EBF2: variants seen among roughly 807,000 people sequenced by gnomAD.
EBF2 encodes the protein transcription factor COE2.
Under a neutral mutation model 72.8 loss-of-function variants are expected in EBF2, and 21 were observed. The ratio of observed to expected loss-of-function variants is 0.29; its 90% CI spans 0.20 to 0.42. The LOEUF is 0.42. EBF2 is among the 10% of genes least tolerant of loss of function. The pLI is 1.00. For synonymous variants in EBF2, 299 were observed against 274.2 expected, an observed-to-expected ratio of 1.09 and a Z score of -0.89; for missense variants, 637 against 731.2, an observed-to-expected ratio of 0.87 and a Z score of 1.49.
chr8:25,957,464 C>T (rs1226815768), intron 6 of EBF2, among the ~76,000 whole-genome samples: 1 of 152,208 alleles, frequency 6.6e-6, no homozygotes, highest in Non-Finnish European at 1.5e-5. Context: ...CCGCAGGCCA[C>T]CTCTTCACCA....
intron 6 of EBF2, among the ~76,000 whole-genome samples, chr8:25,925,830 A>G (rs1261682579): frequency 1.3e-5 from 2 of 152,272 alleles, no homozygotes; most frequent in African/African-American, 2.4e-5. Context: ...TTTCATTTTC[A>G]TAATAGGAAG....
At chr8:26,011,701 GC>G (rs1351325759) in intron 6 of EBF2, among the ~76,000 whole-genome samples, 1 of 152,060 alleles carries the variant, frequency 6.6e-6, no homozygotes, top group Non-Finnish European at 1.5e-5. Flanking sequence ...ATGTGTCTTT[GC>G]AAAATCAAGT....
intron 6 of EBF2, among the ~76,000 whole-genome samples, chr8:25,950,802 T>A (rs1803847829): frequency 6.6e-6 from 1 of 152,118 alleles, no homozygotes; most frequent in African/African-American, 2.4e-5. Context: ...CATAAATGCA[T>A]AATTCACAGG....
intron 9 of EBF2, among the ~76,000 whole-genome samples, chr8:25,887,117 G>GTC (rs67623458): frequency 0.018 from 2,757 of 149,760 alleles, 117 homozygotes; most frequent in Admixed American, 0.096. Flanking sequence ...GTATGTCTCT[G>GTC]TCTCTCTCTC....
At chr8:25,974,747 C>T (rs962813391) in intron 6 of EBF2, among the ~76,000 whole-genome samples, 1 of 151,862 alleles carries the variant, frequency 6.6e-6, no homozygotes, top group East Asian at 1.9e-4. Flanking sequence ...ACTCCCCCTG[C>T]CCCCCCATCC....
intron 14 of EBF2, among the ~76,000 whole-genome samples, chr8:25,857,671 G>A (rs1295332623): frequency 2.0e-5 from 3 of 152,120 alleles, no homozygotes; most frequent in Non-Finnish European, 4.4e-5. Context: ...CCCAGAGCAG[G>A]GACTTTGCTG....
At chr8:25,956,640 T>C (rs1452150541) in intron 6 of EBF2, among the ~76,000 whole-genome samples, 1 of 152,196 alleles carries the variant, frequency 6.6e-6, no homozygotes, top group Non-Finnish European at 1.5e-5. Context: ...GTGTACAAGT[T>C]ATTTAACTCC....
intron 5 of EBF2, among the ~76,000 whole-genome samples, chr8:26,033,870 G>A (rs746470050): frequency 1.3e-5 from 2 of 152,180 alleles, no homozygotes; most frequent in Non-Finnish European, 2.9e-5. Flanking sequence ...TGAACCTGAA[G>A]CCAAAATATA....
intron 6 of EBF2, among the ~76,000 whole-genome samples, chr8:25,995,167 G>A (rs551213658): frequency 2.2e-4 from 34 of 152,158 alleles, no homozygotes; most frequent in Middle Eastern, 3.4e-3. Flanking sequence ...TTAGCCAGGC[G>A]TGGTGGTGCA....
chr8:25,925,680 G>T (rs1803374340), intron 6 of EBF2, among the ~76,000 whole-genome samples: 1 of 152,084 alleles, frequency 6.6e-6, no homozygotes, highest in African/African-American at 2.4e-5. Context: ...CTCATCACTG[G>T]GCAGCCGAGC....
At chr8:25,999,333 G>A (rs115217930) in intron 6 of EBF2, among the ~76,000 whole-genome samples, 1,772 of 152,206 alleles carry the variant, frequency 0.012, 34 homozygotes, top group African/African-American at 0.04. Flanking sequence ...GGCCAATGAA[G>A]ATATAAATAA....
intron 6 of EBF2, among the ~76,000 whole-genome samples, chr8:25,975,894 T>C (rs1804261024): frequency 6.6e-6 from 1 of 152,168 alleles, no homozygotes; most frequent in Non-Finnish European, 1.5e-5. Flanking sequence ...CAGATTTGAA[T>C]TTGAGCAGCT....
intron 15 of EBF2, among the ~76,000 whole-genome samples, chr8:25,846,632 TG>T (rs1360790703): frequency 6.6e-6 from 1 of 152,052 alleles, no homozygotes; most frequent in Non-Finnish European, 1.5e-5. Context: ...AAGGCTGCAG[TG>T]AGCCATGATT....
intron 6 of EBF2, among the ~76,000 whole-genome samples, chr8:25,961,425 G>A (rs370028635): frequency 1.2e-4 from 18 of 152,160 alleles, no homozygotes; most frequent in East Asian, 1.2e-3. Context: ...GTGCAGTGGC[G>A]CGATCTTGGC....
At chr8:26,009,537 C>T (rs1421807193) in intron 6 of EBF2, among the ~76,000 whole-genome samples, 1 of 152,166 alleles carries the variant, frequency 6.6e-6, no homozygotes, top group Admixed American at 6.5e-5. Flanking sequence ...GAAATGCAAA[C>T]GCTGCAAAAC....
intron 6 of EBF2, among the ~76,000 whole-genome samples, chr8:25,951,861 T>C (rs565006520): frequency 3.2e-4 from 48 of 152,340 alleles, no homozygotes; most frequent in African/African-American, 1.1e-3. Flanking sequence ...AAGGTCAAGA[T>C]GAACATTCAG....
Position 26,044,861 on chromosome 8 carries a change from TA to T in EBF2, c.-3del. 6.2e-7 allele frequency: 1 copy of T among 1,613,854 alleles called. No individual in the cohort carries two copies. The highest frequency in any genetic ancestry group is 8.5e-7 in the Non-Finnish European group (1 of 1,179,962). On this transcript the variant is annotated 5_prime_UTR_variant, in exon 1 of 16. Coordinates refer to ENST00000520164, the MANE Select transcript of EBF2 (RefSeq NM_022659.4). This position sits in a 1 kb window ranked among gnomAD's most constrained non-coding sequence, Gnocchi z 4.1. Reference sequence around the variant, plus strand: ...TAAAGTATCTTGAATTCCAAACATTTAAAAAGTCTGATCCTCTACTGTCGCT... The same window carrying T: ...TAAAGTATCTTGAATTCCAAACATTTAAAAGTCTGATCCTCTACTGTCGCT...
intron 6 of EBF2, among the ~76,000 whole-genome samples, chr8:25,917,727 C>T (rs532924839): frequency 1.3e-5 from 2 of 152,258 alleles, no homozygotes; most frequent in South Asian, 2.1e-4. Flanking sequence ...TCCTCACCGT[C>T]CCATTTCCTC....
intron 10 of EBF2, among the ~76,000 whole-genome samples, chr8:25,866,763 C>A (rs1161088652): frequency 6.7e-6 from 1 of 150,026 alleles, no homozygotes; most frequent in Non-Finnish European, 1.5e-5. Flanking sequence ...TCCCTAGTAG[C>A]TGGAATTACA....
Sources: gnomAD v4.1 joint callset for allele counts (sites outside exome capture counted in the v4.1 genomes callset) on GRCh38, gnomAD v4.1.1 for gene constraint, Gnocchi (gnomAD v3.1) non-coding constraint, MANE v1.5 for transcripts, NCBI Gene and HGNC (gene_info 2026-07-23, HGNC 2026-07-21) for gene names.